The following ADGRL3 variants were observed in gnomAD, a reference collection of about 807,000 sequenced individuals.
The protein encoded by ADGRL3 is calcium-independent alpha-latrotoxin receptor 3.
In ADGRL3, 62 loss-of-function variants were observed where a neutral mutation model predicts 153.5. The observed-to-expected ratio is 0.40, with a 90% CI of 0.33 to 0.50. The LOEUF is 0.50. Ranked by LOEUF, ADGRL3 falls within the 20% of genes least tolerant of loss-of-function variation. The probability of loss-of-function intolerance (pLI) is 0.47; values close to 1 mark genes in which losing one functional copy is unlikely to be tolerated. For missense variants in ADGRL3, 1,641 were observed against 1,859.4 expected, an observed-to-expected ratio of 0.88 and a Z score of 2.16; for synonymous variants, 710 against 672.5, an observed-to-expected ratio of 1.06 and a Z score of -0.86.
At chr4:61,641,105 T>C (rs894928449) in intron 5 of ADGRL3, among the ~76,000 whole-genome samples, 2 of 152,110 alleles carry the variant, frequency 1.3e-5, no homozygotes, top group African/African-American at 4.8e-5. Context: ...TCAAATAAAG[T>C]TCCTGCTAAC....
At chr4:61,870,744 A>G (rs1190324444) in intron 9 of ADGRL3, among the ~76,000 whole-genome samples, 1 of 152,216 alleles carries the variant, frequency 6.6e-6, no homozygotes, top group Non-Finnish European at 1.5e-5. Flanking sequence ...ATAATGCAAT[A>G]CCACTTCAAA....
intron 21 of ADGRL3, among the ~76,000 whole-genome samples, chr4:62,018,086 T>A (rs1043900504): frequency 6.6e-6 from 1 of 152,092 alleles, no homozygotes; most frequent in Non-Finnish European, 1.5e-5. Context: ...TGTTTGCAAA[T>A]TGAGCAGTGC....
chr4:61,696,112 G>T lies in ADGRL3; in HGVS notation c.583+19177G>T, dbSNP rs548349530. Among the ~76,000 whole-genome samples, 4 of 152,256 alleles carry T rather than the reference G, an allele frequency of 2.6e-5. No homozygotes were observed. The South Asian group carries it at 8.3e-4, about 32-fold the overall frequency. On this transcript the variant is annotated intron_variant, in intron 6 of 26. Coordinates refer to ENST00000683033, the MANE Select transcript of ADGRL3 (RefSeq NM_001387552.1). ...GCTGTTTTGCTTTCTTATCATTCAT[G>T]TGTGCACTGGAGTAGCACTTTTAAT...
intron 13 of ADGRL3, among the ~76,000 whole-genome samples, chr4:61,918,203 A>T (rs1038599635): frequency 1.3e-5 from 2 of 152,186 alleles, no homozygotes; most frequent in Admixed American, 6.6e-5. Context: ...AGAGAAAAAG[A>T]GGAGTTGAAA....
intron 8 of ADGRL3, among the ~76,000 whole-genome samples, chr4:61,758,818 C>T (rs890777052): frequency 1.4e-4 from 21 of 152,104 alleles, no homozygotes; most frequent in Admixed American, 9.2e-4. Flanking sequence ...TGGCTGGAAC[C>T]GCTTGTTCCT....
chr4:61,248,917 T>C (rs1041995996), intron 1 of ADGRL3, among the ~76,000 whole-genome samples: 1 of 152,164 alleles, frequency 6.6e-6, no homozygotes, highest in Non-Finnish European at 1.5e-5. Flanking sequence ...ATAGGTCGAA[T>C]TTCTTGGATG....
rs1160310023 is a variant in ADGRL3 at position 62,070,108 on chromosome 4, G to A, written c.3833-1G>A. Reference sequence around the variant, plus strand: ...TCATAGTATCTTGTAATCTTTTTCAGAGGGGCTTCTGAACAATGCCAGGGA... The same window carrying A: ...TCATAGTATCTTGTAATCTTTTTCAAAGGGGCTTCTGAACAATGCCAGGGA... On this transcript the variant is annotated splice_acceptor_variant, in intron 26 of 26. Coordinates refer to ENST00000683033, the MANE Select transcript of ADGRL3 (RefSeq NM_001387552.1). LOFTEE classifies it high-confidence loss of function. 1 of 1,608,574 alleles carries A rather than the reference G, an allele frequency of 6.2e-7. No homozygotes were observed. Among genetic ancestry groups the A allele is most frequent in the Admixed American group, 1.7e-5 (1 of 59,284 alleles).
chr4:61,295,674 G>A (rs1342783097), intron 1 of ADGRL3, among the ~76,000 whole-genome samples: 1 of 151,950 alleles, frequency 6.6e-6, no homozygotes, highest in Non-Finnish European at 1.5e-5. Context: ...GTAAGAGCGG[G>A]CTGGGCACAG....
At chr4:61,801,529 C>T (rs2097497250) in intron 8 of ADGRL3, among the ~76,000 whole-genome samples, 1 of 152,066 alleles carries the variant, frequency 6.6e-6, no homozygotes, top group East Asian at 1.9e-4. Context: ...AAATAATCCA[C>T]ATTGCTTCTT....
intron 4 of ADGRL3, among the ~76,000 whole-genome samples, chr4:61,517,878 G>C (rs1429716763): frequency 6.6e-6 from 1 of 152,024 alleles, no homozygotes; most frequent in Non-Finnish European, 1.5e-5. Flanking sequence ...TCATCTGCTT[G>C]TTTGAAAAAA....
chr4:61,485,167 C>G (rs2098175912), intron 2 of ADGRL3, among the ~76,000 whole-genome samples: 1 of 152,164 alleles, frequency 6.6e-6, no homozygotes, highest in Admixed American at 6.5e-5. Context: ...CACCTAGGTG[C>G]ACCGTACTGA....
At chr4:61,425,479 C>A (rs2097265698) in intron 2 of ADGRL3, 1 of 152,306 alleles carries the variant, frequency 6.6e-6, no homozygotes, top group Non-Finnish European at 1.5e-5. Flanking sequence ...AGGTGTGGGC[C>A]CATTTCACAA....
chr4:61,549,214 T>A (rs887823627), intron 4 of ADGRL3, among the ~76,000 whole-genome samples: 4 of 152,078 alleles, frequency 2.6e-5, no homozygotes, highest in Admixed American at 6.6e-5. Flanking sequence ...AAGTTGCTTA[T>A]CAGATCAAGG....
Position 61,497,255 on chromosome 4 carries a change from G to T in ADGRL3, c.-39G>T. On this transcript the variant is annotated 5_prime_UTR_variant, in exon 3 of 27. Coordinates refer to ENST00000683033, the MANE Select transcript of ADGRL3 (RefSeq NM_001387552.1). ...ACGTATTTTGTTTCACATTTGAACA[G>T]TCATTCTTGAGGAATACTCCATACC... 7.6e-7 allele frequency: 1 copy of T among 1,312,096 alleles called. No individual in the cohort carries two copies. The highest frequency in any genetic ancestry group is 1.1e-6 in the Non-Finnish European group (1 of 919,744). 81.3% of individuals were successfully genotyped at this position (1,312,096 alleles called of 1,614,324 possible).
At chr4:61,753,752 A>C (rs1036334384) in intron 8 of ADGRL3, among the ~76,000 whole-genome samples, 11 of 152,214 alleles carry the variant, frequency 7.2e-5, no homozygotes, top group Non-Finnish European at 1.5e-4. Flanking sequence ...AAGTAAGACT[A>C]ATTTGATAGC....
rs570232638 is a variant in ADGRL3 at position 61,214,661 on chromosome 4, T to C, written c.-240+12896T>C. On this transcript the variant is annotated intron_variant, in intron 1 of 26. Coordinates refer to ENST00000683033, the MANE Select transcript of ADGRL3 (RefSeq NM_001387552.1). ...GAATAAGAGTTAGGTACAGGCTGGA[T>C]GCTGTGGCTCATGCCTATAATCCCG... 5.1e-3 allele frequency among the ~76,000 whole-genome samples: 784 copies of C among 152,278 alleles called. 7 individuals carry two copies. Among genetic ancestry groups the C allele is most frequent in the African/African-American group, 0.018 (761 of 41,556 alleles).
chr4:61,941,958 T>C (rs1206543784), intron 15 of ADGRL3, among the ~76,000 whole-genome samples: 1 of 17,354 alleles, frequency 5.8e-5, no homozygotes, highest in Non-Finnish European at 9.8e-5. Flanking sequence ...GGCCAGAACT[T>C]CCAACACTAT....
At chr4:62,017,440 G>GT (rs762736392) in intron 21 of ADGRL3, among the ~76,000 whole-genome samples, 2,814 of 141,608 alleles carry the variant, frequency 0.02, 33 homozygotes, top group Non-Finnish European at 0.032. Context: ...TTACTTGGGA[G>GT]TTTTTTTTTT....
intron 5 of ADGRL3, among the ~76,000 whole-genome samples, chr4:61,672,743 C>T (rs2095050436): frequency 6.6e-6 from 1 of 151,772 alleles, no homozygotes; most frequent in Admixed American, 6.6e-5. Context: ...ATTGGTATAG[C>T]CATTATGGAA....
Sources: gnomAD v4.1 joint callset for allele counts (sites outside exome capture counted in the v4.1 genomes callset) on GRCh38, gnomAD v4.1.1 for gene constraint, MANE v1.5 for transcripts, NCBI Gene and HGNC (gene_info 2026-07-23, HGNC 2026-07-21) for gene names.